Variants in ATG2A observed in about 807,000 individuals in gnomAD.
ATG2A encodes the protein autophagy related 2A, also known as autophagy-related protein 2 homolog A.
A neutral mutation model predicts 214.2 loss-of-function variants in ATG2A; 103 were observed. The ratio of observed to expected loss-of-function variants is 0.48; its 90% CI spans 0.41 to 0.57. The LOEUF is 0.57. Among genes scored for constraint, ATG2A ranks in the 20% least tolerant of loss-of-function variants. The pLI, the probability that ATG2A is intolerant of heterozygous loss-of-function variation, is 0.00. For synonymous variants in ATG2A, 1,160 were observed against 1,142.1 expected, an observed-to-expected ratio of 1.02 and a Z score of -0.32; for missense variants, 2,312 against 2,613.2, an observed-to-expected ratio of 0.88 and a Z score of 2.51.
In ATG2A at chr11:64,905,782, T is replaced by C. The variant is rs1590639921; in HGVS notation, c.3331A>G (p.Ile1111Val). 6.2e-7 allele frequency: 1 copy of C among 1,613,846 alleles called. No homozygotes were observed. The highest frequency in any genetic ancestry group is 1.3e-5 in the African/African-American group (1 of 75,026). Residue 1111 changes from isoleucine (I) to valine (V), a missense_variant, in exon 23 of 41, where the codon ATC (isoleucine) becomes GTC (valine). By Grantham distance (29) the Ile-to-Val change is conservative (BLOSUM62 3). Transcript: ENST00000377264. ...LGYLPPTVITILHTHLFSCSV... is the reference protein window; with the variant it reads ...LGYLPPTVITVLHTHLFSCSV... ...CAGGAGAACAGGTGTGTGTGCAGGATGGTGATGACCGTCGGGGGCAGGTAG... is the reference window on the plus strand; with the variant it reads ...CAGGAGAACAGGTGTGTGTGCAGGACGGTGATGACCGTCGGGGGCAGGTAG...
intron 24 of ATG2A, among the ~76,000 whole-genome samples, chr11:64,905,128 A>G (rs1944496078): frequency 1.3e-5 from 2 of 152,170 alleles, no homozygotes; most frequent in African/African-American, 4.8e-5. Flanking sequence ...TGCTGGGATT[A>G]CAGGTGTGAG....
chr11:64,906,026 C>T, intron 22 of ATG2A, 87 bp downstream of exon 22: 3 of 1,474,468 alleles, frequency 2.0e-6, no homozygotes, highest in Middle Eastern at 1.8e-4. Flanking sequence ...GTTCCTCCCA[C>T]CGGCCTCCTC....
At position 64,895,149 on chromosome 11, in the gene ATG2A, C is replaced by T; in HGVS notation, c.5641G>A (p.Gly1881Arg). Residue 1881 changes from glycine (G) to arginine (R), a missense_variant, in exon 41 of 41, where the codon GGG (glycine) becomes AGG (arginine). Gly to Arg is a moderately radical substitution (Grantham distance 125). Transcript: ENST00000377264. The surrounding 1 kb of genome is among the most constrained non-coding windows in gnomAD (Gnocchi z 5.0). ...ACGCCCCCCACGGCGCCCGTCAGCCCCTTCTGCTCATGGCCCCGCGATGCC... is the reference window on the plus strand; with the variant it reads ...ACGCCCCCCACGGCGCCCGTCAGCCTCTTCTGCTCATGGCCCCGCGATGCC... ...DVASRGHEQK[G>R]LTGAVGGVIR... The T allele has an allele frequency of 1.2e-6, 2 of 1,613,266 alleles. No individual in the cohort carries two copies. The highest frequency in any genetic ancestry group is 1.7e-6 in the Non-Finnish European group (2 of 1,179,784).
In ATG2A at chr11:64,917,131, G is replaced by T; in HGVS notation, c.5C>A (p.Ser2Ter). M[S>*]RWLWPWSNCV... ...GTTTGACCATGGCCACAGCCATCGT[G>T]ACATCTCGGAGACCGCCGGGCCTGG... The change falls in exon 1 of 41, where the codon TCA becomes TAA. Residue 2 changes from serine to a stop codon, truncating the protein, a stop_gained. Coordinates refer to ENST00000377264, the MANE Select transcript of ATG2A (RefSeq NM_015104.3). LOFTEE classifies it high-confidence loss of function. 6.2e-7 allele frequency: 1 copy of T among 1,604,370 alleles called. No individual in the cohort carries two copies. The highest frequency in any genetic ancestry group is 1.1e-5 in the South Asian group (1 of 90,548).
At position 64,897,783 on chromosome 11, in the gene ATG2A, G is replaced by A. The variant is rs781421846; in HGVS notation, c.4995-40C>T. The A allele has an allele frequency of 4.3e-6, 7 of 1,614,188 alleles. 1 individual carries two copies. In the South Asian group the frequency reaches 7.7e-5, roughly 18 times the overall value. On this transcript the variant is annotated intron_variant, in intron 35 of 40. Transcript: ENST00000377264. ...AGGAAGAGGGGGTTCTTTGCTCACT[G>A]GCCTGGCCCCCAGCAATCTGGCCCA... is the stretch of plus-strand genomic sequence containing the variant.
chr11:64,913,464 C>T lies in ATG2A; in HGVS notation c.591-63G>A. Reference sequence around the variant, plus strand: ...CAGGCCTGGAGCCCCTCTCTCCACACAGTGCTCTGCTCTAGGGGCACGGGG... The same window carrying T: ...CAGGCCTGGAGCCCCTCTCTCCACATAGTGCTCTGCTCTAGGGGCACGGGG... On this transcript the variant is annotated intron_variant, in intron 4 of 40. Transcript: ENST00000377264. This position sits in a 1 kb window ranked among gnomAD's most constrained non-coding sequence, Gnocchi z 4.3. The T allele has an allele frequency of 2.7e-6, 4 of 1,490,884 alleles. No individual in the cohort carries two copies. Among genetic ancestry groups the T allele is most frequent in the Non-Finnish European group, 9.0e-7 (1 of 1,115,730 alleles). The allele number at this position is 1,490,884 out of a possible 1,614,324, so 92.4% of individuals were successfully genotyped here.
rs1332077992 is a variant in ATG2A at position 64,910,906 on chromosome 11, A to C, written c.1515T>G (p.Ser505Arg). The change falls in exon 11 of 41, where the codon AGT becomes AGG. Residue 505 changes from serine (S) to arginine (R), a missense_variant. Ser to Arg is a moderately radical substitution (Grantham distance 110). Transcript: ENST00000377264. ...VQLSWELRTG[S>R]RGRRTTSMEV... ...CCATGCTGGTTGTCCGCCGGCCCCG[A>C]CTGCCCGTCCGCAGCTCCCAGGACA... 3 of 1,612,352 alleles carry C rather than the reference A, an allele frequency of 1.9e-6. No homozygotes were observed. Among genetic ancestry groups the C allele is most frequent in the Non-Finnish European group, 2.5e-6 (3 of 1,179,754 alleles).
Position 64,895,363 on chromosome 11 carries a change from C to A in ATG2A, c.5507G>T (p.Arg1836Leu). The A allele has an allele frequency of 6.2e-7, 1 of 1,612,872 alleles. No individual in the cohort carries two copies. Among genetic ancestry groups the A allele is most frequent in the Non-Finnish European group, 8.5e-7 (1 of 1,179,680 alleles). The change falls in exon 40 of 41, where the codon CGG becomes CTG. Residue 1836 changes from arginine (R) to leucine (L), a missense_variant. Coordinates refer to ENST00000377264, the MANE Select transcript of ATG2A (RefSeq NM_015104.3). The surrounding 1 kb of genome is among the most constrained non-coding windows in gnomAD (Gnocchi z 5.0). ...SRSLQDKRSARRLRRGQQPAD... is the reference protein window; with the variant it reads ...SRSLQDKRSALRLRRGQQPAD... ...AGGCTGCTGGCCCCTGCGCAGCCTC[C>A]GCGCAGAGCGCTTATCCTGCAGGGA... is the stretch of plus-strand genomic sequence containing the variant.
In ATG2A at chr11:64,894,937, G is replaced by A. The variant is rs1376172837; in HGVS notation, c.*36C>T. Reference sequence around the variant, plus strand: ...AGCTCTTGGGAGGCTCAGGAGCATGGTGGGCAGCACCCTCTGGGTGCCGGG... The same window carrying A: ...AGCTCTTGGGAGGCTCAGGAGCATGATGGGCAGCACCCTCTGGGTGCCGGG... On this transcript the variant is annotated 3_prime_UTR_variant, in exon 41 of 41. Coordinates refer to ENST00000377264, the MANE Select transcript of ATG2A (RefSeq NM_015104.3). The A allele has an allele frequency of 6.2e-7, 1 of 1,608,702 alleles. No homozygotes were observed. Among genetic ancestry groups the A allele is most frequent in the South Asian group, 1.1e-5 (1 of 90,994 alleles).
chr11:64,913,885 C>G lies in ATG2A; in HGVS notation c.526G>C (p.Val176Leu). Reference sequence around the variant, plus strand: ...TCACCCGGAGAGTGCTCCACCCTCACGACAGTGTCCAGGAAGGTCACTTTG... The same window carrying G: ...TCACCCGGAGAGTGCTCCACCCTCAGGACAGTGTCCAGGAAGGTCACTTTG... ...RIKVTFLDTV[V>L]RVEHSPGDGE... The change falls in exon 4 of 41, where the codon GTG (valine) becomes CTG (leucine). Residue 176 changes from valine (V) to leucine (L), a missense_variant. Coordinates refer to ENST00000377264, the MANE Select transcript of ATG2A (RefSeq NM_015104.3). The surrounding 1 kb of genome is among the most constrained non-coding windows in gnomAD (Gnocchi z 4.3). 2.5e-6 allele frequency: 4 copies of G among 1,614,050 alleles called. No individual in the cohort carries two copies. Among genetic ancestry groups the G allele is most frequent in the Non-Finnish European group, 3.4e-6 (4 of 1,180,018 alleles).
rs1279674282 is a variant in ATG2A, at chr11:64,901,014, T to C, written c.4198A>G (p.Ile1400Val). 1.3e-6 allele frequency: 2 copies of C among 1,590,050 alleles called. No individual in the cohort carries two copies. The highest frequency in any genetic ancestry group is 3.5e-5 in the Admixed American group (2 of 57,352). The change falls in exon 30 of 41, where the codon ATC (isoleucine) becomes GTC (valine). Residue 1400 changes from isoleucine to valine, a missense_variant. Physicochemically the swap from Ile to Val is conservative, Grantham distance 29 (BLOSUM62 3). Transcript: ENST00000377264. ...VVRDGYFSRP[I>V]GSTDLLRAPA... Reference sequence around the variant, plus strand: ...GCCCGCAGCAAGTCCGTGCTGCCGATCGGCCGTGAGAAGTAACCGTCCCTC... The same window carrying C: ...GCCCGCAGCAAGTCCGTGCTGCCGACCGGCCGTGAGAAGTAACCGTCCCTC...
chr11:64,908,155 C>T (rs1390826934), intron 16 of ATG2A, among the ~76,000 whole-genome samples: 5 of 152,322 alleles, frequency 3.3e-5, no homozygotes, highest in South Asian at 2.1e-4. Context: ...CGGTGGCTCA[C>T]GCCTGTAATC....
chr11:64,914,382 C>T lies in ATG2A; in HGVS notation c.290G>A (p.Arg97His), dbSNP rs199556207. 4.2e-5 allele frequency: 67 copies of T among 1,611,030 alleles called. No homozygotes were observed. The Middle Eastern group carries it at 6.6e-4, about 16-fold the overall frequency. The change falls in exon 2 of 41, where the codon CGC (arginine) becomes CAC (histidine). Residue 97 changes from arginine (R) to histidine (H), a missense_variant. Arg to His is a conservative substitution (Grantham distance 29). Transcript: ENST00000377264. ...AALLTDHCTV[R>H]VSGLQLTLQP... Reference sequence around the variant, plus strand: ...CAAGGTGAGCTGGAGGCCGGACACGCGCACTGTGCAGTGGTCGGTGAGCAG... The same window carrying T: ...CAAGGTGAGCTGGAGGCCGGACACGTGCACTGTGCAGTGGTCGGTGAGCAG...
At chr11:64,905,712 C>T (rs1301497783) in intron 23 of ATG2A, 30 bp downstream of exon 23, 6 of 1,613,736 alleles carry the variant, frequency 3.7e-6, no homozygotes, top group African/African-American at 2.7e-5. Flanking sequence ...CCATCCCCGT[C>T]CCCAGCCCCT....
At position 64,913,068 on chromosome 11, in the gene ATG2A, C is replaced by T. The variant is rs1944836864; in HGVS notation, c.795G>A (p.Leu265=). 5 of 1,568,702 alleles carry T rather than the reference C, an allele frequency of 3.2e-6. No homozygotes were observed. Among genetic ancestry groups the T allele is most frequent in the Non-Finnish European group, 4.3e-6 (5 of 1,156,272 alleles). Residue 265 remains leucine (L), a synonymous_variant, in exon 6 of 41, where the codon TTG becomes TTA. Transcript: ENST00000377264. The surrounding 1 kb of genome is among the most constrained non-coding windows in gnomAD (Gnocchi z 4.3). ...GGCCAGGGAAGGCCTCATTTTGCTT[C>T]AACTTCACCATCAGCTCCATGTACC... ...CSGYMELMVK[L]KQNEAFPGPK...
rs1944596610 is a variant in ATG2A, at chr11:64,907,516, C to T, written c.2647+9G>A. On this transcript the variant is annotated intron_variant, in intron 18 of 40. Coordinates refer to ENST00000377264, the MANE Select transcript of ATG2A (RefSeq NM_015104.3). The stretch of plus-strand genomic sequence containing the variant: ...CCTCCCTCTAGCCCAGCGTTAGCAC[C>T]TCTCATACCCAGCTTGAAGGCTGAC... 3.1e-6 allele frequency: 5 copies of T among 1,612,702 alleles called. No individual in the cohort carries two copies. The highest frequency in any genetic ancestry group is 4.2e-6 in the Non-Finnish European group (5 of 1,179,694).
rs1944700990 is a variant in ATG2A, at chr11:64,909,916, G to A, written c.1872C>T (p.Pro624=). The part of the protein sequence containing the change: ...AEPPAGLLTE[P]LPAMEQQTVF... Reference sequence around the variant, plus strand: ...CCGTCTGCTGCTCCATCGCCGGCAGGGGCTCTGTCTGCAGGAGGATTGGGG... The same window carrying A: ...CCGTCTGCTGCTCCATCGCCGGCAGAGGCTCTGTCTGCAGGAGGATTGGGG... Residue 624 remains proline (P), a synonymous_variant, in exon 14 of 41, where the codon CCC becomes CCT. Coordinates refer to ENST00000377264, the MANE Select transcript of ATG2A (RefSeq NM_015104.3). 4 of 1,601,614 alleles carry A rather than the reference G, an allele frequency of 2.5e-6. No homozygotes were observed. The African/African-American group carries it at 5.3e-5, about 21-fold the overall frequency.
Position 64,910,713 on chromosome 11 carries a change from G to C in ATG2A, c.1615-5C>G. The C allele has an allele frequency of 6.2e-7, 1 of 1,610,146 alleles. No homozygotes were observed. The highest frequency in any genetic ancestry group is 8.5e-7 in the Non-Finnish European group (1 of 1,178,516). On this transcript the variant is annotated splice_polypyrimidine_tract_variant and splice_region_variant and intron_variant, in intron 11 of 40. Transcript: ENST00000377264. ...CGTACCAGGAAAGGTCAGGATCTGG[G>C]ATGGGACCCGGGAGGCACACAGGGT... is the stretch of plus-strand genomic sequence containing the variant.
chr11:64,912,585 C>G (rs1944817890), intron 6 of ATG2A, 162 bp from the exon 7 acceptor site: 1 of 603,704 alleles, frequency 1.7e-6, no homozygotes, highest in Non-Finnish European at 2.8e-6. Flanking sequence ...GACCTCTCAG[C>G]CTCAGTTTCT....
Sources: allele counts gnomAD v4.1 joint callset (sites outside exome capture counted in the v4.1 genomes callset), GRCh38; gene constraint gnomAD v4.1.1; non-coding constraint Gnocchi (gnomAD v3.1); transcripts MANE v1.5; gene names NCBI Gene and HGNC (gene_info 2026-07-23, HGNC 2026-07-21).